The following SHOC2 variants were observed in gnomAD, a reference collection of about 807,000 sequenced individuals.
The protein encoded by SHOC2 is leucine-rich repeat protein SHOC-2.
A neutral mutation model predicts 50.2 loss-of-function variants in SHOC2; 4 were observed. The observed-to-expected ratio is 0.08, with a 90% CI of 0.04 to 0.18. The LOEUF (loss-of-function observed/expected upper bound fraction) is 0.18. Among genes scored for constraint, SHOC2 ranks in the 10% least tolerant of loss-of-function variants. The pLI is 1.00. For synonymous variants in SHOC2, 218 were observed against 244.5 expected, an observed-to-expected ratio of 0.89 and a Z score of 1.01; for missense variants, 388 against 669.6, an observed-to-expected ratio of 0.58 and a Z score of 4.64.
intron 3 of SHOC2, among the ~76,000 whole-genome samples, chr10:110,997,791 A>G (rs1274643886): frequency 6.6e-6 from 1 of 152,186 alleles, no homozygotes. Context: ...GAGGTTAAGT[A>G]ACTTGCCCAT....
intron 4 of SHOC2, among the ~76,000 whole-genome samples, chr10:111,003,344 A>C (rs145734978): frequency 6.6e-6 from 1 of 152,078 alleles, no homozygotes. Flanking sequence ...TGTTTCTTCT[A>C]TTTCTCTGAG....
intron 1 of SHOC2, among the ~76,000 whole-genome samples, chr10:110,944,659 G>A (rs1847214865): frequency 6.6e-6 from 1 of 152,166 alleles, no homozygotes; most frequent in Non-Finnish European, 1.5e-5. Flanking sequence ...ATCACATTTT[G>A]CCCTCTCTTC....
At chr10:110,921,170 G>A (rs1411448331) in intron 1 of SHOC2, among the ~76,000 whole-genome samples, 1 of 152,114 alleles carries the variant, frequency 6.6e-6, no homozygotes, top group Non-Finnish European at 1.5e-5. Flanking sequence ...ATTCAGTAAG[G>A]TTATATTTAT....
At chr10:110,947,902 G>T (rs560249754) in intron 1 of SHOC2, among the ~76,000 whole-genome samples, 1 of 152,116 alleles carries the variant, frequency 6.6e-6, no homozygotes, top group South Asian at 2.1e-4. Context: ...AATGTAAATG[G>T]ATTAAGTTCT....
At chr10:110,987,193 G>A (rs1225882720) in intron 3 of SHOC2, among the ~76,000 whole-genome samples, 1 of 152,124 alleles carries the variant, frequency 6.6e-6, no homozygotes, top group African/African-American at 2.4e-5. Flanking sequence ...GCTTGTTTCT[G>A]TTCTGGTGCT....
At chr10:110,930,637 G>T (rs774734681) in intron 1 of SHOC2, among the ~76,000 whole-genome samples, 1 of 150,506 alleles carries the variant, frequency 6.6e-6, no homozygotes. Context: ...CATGGGAAAT[G>T]AAAAGTAAAG....
intron 4 of SHOC2, among the ~76,000 whole-genome samples, chr10:111,001,191 C>T (rs912428099): frequency 7.6e-6 from 1 of 131,494 alleles, no homozygotes; most frequent in African/African-American, 2.8e-5. Flanking sequence ...GAGTTTAGCT[C>T]TTGTTGCCCA....
chr10:110,928,463 A>C (rs1465461252), intron 1 of SHOC2, among the ~76,000 whole-genome samples: 2 of 152,222 alleles, frequency 1.3e-5, no homozygotes, highest in Non-Finnish European at 2.9e-5. Flanking sequence ...TTGATAAAAC[A>C]TACTTTTACT....
upstream of SHOC2, chr10:110,919,597 G>T: frequency 2.5e-6 from 1 of 397,568 alleles, no homozygotes; most frequent in Admixed American, 4.4e-5. Flanking sequence ...CTTCTTAGGA[G>T]GAGGAGGAAG....
rs1382621262 is a variant in SHOC2 at position 111,013,303 on chromosome 10, G to A, written c.*1485G>A. ...TGTATAATTACATATTGCTGCTTGT[G>A]TGTTTTTTTTTTTTTCCATTTAGTT... On this transcript the variant is annotated 3_prime_UTR_variant, in exon 9 of 9. Transcript: ENST00000369452. 1 of 145,854 alleles carries A rather than the reference G, an allele frequency of 6.9e-6. No individual in the cohort carries two copies. The highest frequency in any genetic ancestry group is 2.6e-5 in the African/African-American group (1 of 38,598). 9.0% of individuals were successfully genotyped at this position (145,854 alleles called of 1,614,324 possible).
intron 1 of SHOC2, among the ~76,000 whole-genome samples, chr10:110,943,450 C>G (rs554312847): frequency 5.9e-5 from 9 of 152,220 alleles, no homozygotes; most frequent in Admixed American, 5.2e-4. Flanking sequence ...TTGATATTCC[C>G]TATTTGGTGA....
intron 1 of SHOC2, among the ~76,000 whole-genome samples, chr10:110,950,247 TAACA>T (rs1456418033): frequency 2.6e-5 from 4 of 152,078 alleles, no homozygotes; most frequent in Middle Eastern, 3.4e-3. Flanking sequence ...TTCCATAAAC[TAACA>T]ATGAATAAGA....
At chr10:110,998,963 A>T (rs1848317881) in intron 3 of SHOC2, among the ~76,000 whole-genome samples, 1 of 152,230 alleles carries the variant, frequency 6.6e-6, no homozygotes, top group South Asian at 2.1e-4. Flanking sequence ...TTCTGTAAGT[A>T]TTGTAGTAAT....
In SHOC2 at chr10:110,964,468, A is replaced by G. The variant is rs1255903638; in HGVS notation, c.110A>G (p.Glu37Gly). 1.2e-6 allele frequency: 2 copies of G among 1,613,916 alleles called. No homozygotes were observed. Among genetic ancestry groups the G allele is most frequent in the Non-Finnish European group, 1.7e-6 (2 of 1,179,956 alleles). Residue 37 changes from glutamate (E) to glycine (G), a missense_variant, in exon 2 of 9, where the codon GAG becomes GGG. Glu to Gly is a moderately conservative substitution (Grantham distance 98). This residue lies in a region of SHOC2 where 121 missense variants were observed against 145.5 expected (regional missense o/e 0.83). Coordinates refer to ENST00000369452, the MANE Select transcript of SHOC2 (RefSeq NM_007373.4). This position sits in a 1 kb window ranked among gnomAD's most constrained non-coding sequence, Gnocchi z 4.9. The stretch of plus-strand genomic sequence containing the variant: ...AAAGCCTCTGGAGGTTTTGGGAAAG[A>G]GAGCAAAGAAAAAGAACCTAAGACC... ...EAKASGGFGKESKEKEPKTKG... is the reference protein window; with the variant it reads ...EAKASGGFGKGSKEKEPKTKG...
intron 2 of SHOC2, among the ~76,000 whole-genome samples, chr10:110,979,008 C>A (rs1337297190): frequency 1.3e-5 from 2 of 152,162 alleles, no homozygotes; most frequent in African/African-American, 2.4e-5. Flanking sequence ...TAACAACAAT[C>A]ATTTGTTATC....
At chr10:110,993,756 A>C (rs986602835) in intron 3 of SHOC2, among the ~76,000 whole-genome samples, 2 of 152,198 alleles carry the variant, frequency 1.3e-5, no homozygotes, top group Non-Finnish European at 1.5e-5. Context: ...TGGATGAGAA[A>C]TTTCAAGAAT....
chr10:110,943,857 A>G (rs1590788793), intron 1 of SHOC2, among the ~76,000 whole-genome samples: 3 of 152,242 alleles, frequency 2.0e-5, no homozygotes, highest in South Asian at 2.1e-4. Flanking sequence ...TTGGCCTTCT[A>G]TGGATCAGTT....
At chr10:111,007,766 G>T (rs1325501171) in intron 6 of SHOC2, 113 bp downstream of exon 6, 1 of 1,077,166 alleles carries the variant, frequency 9.3e-7, no homozygotes, top group African/African-American at 1.6e-5. Flanking sequence ...AATTAGAAAT[G>T]TTAGAACTCA....
chr10:110,959,030 G>C (rs966838886), intron 1 of SHOC2, among the ~76,000 whole-genome samples: 1 of 151,936 alleles, frequency 6.6e-6, no homozygotes, highest in Non-Finnish European at 1.5e-5. Flanking sequence ...AGATATATAA[G>C]AAAAATATTG....
Sources: gnomAD v4.1 joint callset for allele counts (sites outside exome capture counted in the v4.1 genomes callset) on GRCh38, gnomAD v4.1.1 for gene constraint, gnomAD v4.1.1 regional missense constraint, Gnocchi (gnomAD v3.1) non-coding constraint, MANE v1.5 for transcripts, NCBI Gene and HGNC (gene_info 2026-07-23, HGNC 2026-07-21) for gene names.